Variants in NCOA1 observed in about 807,000 individuals in gnomAD.
NCOA1 encodes the protein Hin-2 protein.
NCOA1 carries 35 observed loss-of-function variants against 150.9 expected under a neutral mutation model. The observed-to-expected ratio is 0.23, with a 90% CI of 0.18 to 0.31. The LOEUF (loss-of-function observed/expected upper bound fraction) is 0.31, where lower values mean the gene tolerates loss of function less well. NCOA1 is among the 10% of genes least tolerant of loss of function. NCOA1 has a pLI of 1.00. For synonymous variants in NCOA1, 590 were observed against 630.0 expected (o/e 0.94, Z 0.95); for missense variants, 1,491 against 1,749.3 (o/e 0.85, Z 2.63).
At chr2:24,673,486 A>G (rs1306148295) in intron 7 of NCOA1, 23 bp downstream of exon 7, 2 of 1,499,944 alleles carry the variant, frequency 1.3e-6, no homozygotes, top group East Asian at 2.4e-5. Flanking sequence ...ATTGACTCAG[A>G]AAGTGATTAA....
In NCOA1 at chr2:24,666,942, A is replaced by C. The variant is rs187929840; in HGVS notation, c.256+1027A>C. 5.5e-3 allele frequency among the ~76,000 whole-genome samples: 833 copies of C among 152,258 alleles called. 9 individuals are homozygous for C. Among genetic ancestry groups the C allele is most frequent in the Non-Finnish European group, 8.4e-3 (568 of 68,012 alleles). ...TGCCTACCAGAAATAAAGGCAAAGCACTTTGAAGAAACAATCCCACAAGCT... is the reference window on the plus strand; with the variant it reads ...TGCCTACCAGAAATAAAGGCAAAGCCCTTTGAAGAAACAATCCCACAAGCT... On this transcript the variant is annotated intron_variant, in intron 6 of 22. Transcript: ENST00000348332.
chr2:24,703,363 A>G (rs1403359385), intron 11 of NCOA1, among the ~76,000 whole-genome samples: 2 of 152,196 alleles, frequency 1.3e-5, no homozygotes, highest in Non-Finnish European at 2.9e-5. Context: ...AAGTTTTACC[A>G]TATTAAATAT....
intron 3 of NCOA1, among the ~76,000 whole-genome samples, chr2:24,633,078 G>A (rs577216430): frequency 4.3e-4 from 65 of 152,024 alleles, no homozygotes; most frequent in African/African-American, 1.6e-3. Flanking sequence ...TGATGTATAT[G>A]TATGCATGTA....
At chr2:24,529,944 G>A (rs1476073912) in intron 1 of NCOA1, among the ~76,000 whole-genome samples, 2 of 152,036 alleles carry the variant, frequency 1.3e-5, no homozygotes, top group African/African-American at 2.4e-5. Context: ...TTAAAAAAGT[G>A]GTTTTCAATT....
intron 3 of NCOA1, among the ~76,000 whole-genome samples, chr2:24,601,719 G>A (rs1313700328): frequency 6.6e-5 from 10 of 150,944 alleles, no homozygotes; most frequent in Non-Finnish European, 1.0e-4. Context: ...TGTAACCTCC[G>A]CCTCCTGGGT....
intron 14 of NCOA1, among the ~76,000 whole-genome samples, chr2:24,716,686 A>G (rs776941735): frequency 4.6e-5 from 7 of 152,232 alleles, no homozygotes; most frequent in Non-Finnish European, 8.8e-5. Flanking sequence ...AGATTGATAC[A>G]TTAGACTTCG....
chr2:24,721,950 G>A (rs1297607404), intron 14 of NCOA1, among the ~76,000 whole-genome samples: 5 of 152,008 alleles, frequency 3.3e-5, no homozygotes, highest in South Asian at 2.1e-4. Context: ...CCTTTCCTTC[G>A]GCTGTAGATT....
At position 24,706,708 on chromosome 2, in the gene NCOA1, T is replaced by A. The variant is rs757994175; in HGVS notation, c.1238T>A (p.Met413Lys). 2 of 1,614,158 alleles carry A rather than the reference T, an allele frequency of 1.2e-6. No homozygotes were observed. The highest frequency in any genetic ancestry group is 2.2e-5 in the South Asian group (2 of 91,084). Reference protein sequence around the residue: ...SSTLPPSNSNMVSTRINRQQS... With the variant: ...SSTLPPSNSNKVSTRINRQQS... Reference sequence around the variant, plus strand: ...ACATTGCCACCATCCAACAGCAACATGGTATCCACCAGAATAAACCGCCAG... The same window carrying A: ...ACATTGCCACCATCCAACAGCAACAAGGTATCCACCAGAATAAACCGCCAG... The change falls in exon 13 of 23, where the codon ATG becomes AAG. Residue 413 changes from methionine to lysine, a missense_variant. By Grantham distance (95) the Met-to-Lys change is moderately conservative. Around this residue, in one of 8 missense-constraint regions of NCOA1, gnomAD observed 703 missense variants for 717.7 expected, o/e 0.98. Transcript: ENST00000348332.
At chr2:24,510,040 C>T (rs754175001) in intron 1 of NCOA1, among the ~76,000 whole-genome samples, 2 of 152,174 alleles carry the variant, frequency 1.3e-5, no homozygotes, top group Non-Finnish European at 2.9e-5. Context: ...CTGCCTGGGG[C>T]AGAGTGTAGG....
At chr2:24,537,752 A>G (rs1174721058) in intron 1 of NCOA1, among the ~76,000 whole-genome samples, 1 of 152,166 alleles carries the variant, frequency 6.6e-6, no homozygotes, top group Non-Finnish European at 1.5e-5. Context: ...CACAAAAAGT[A>G]TGTGAGGTAA....
At chr2:24,569,509 C>T (rs1326730064) in intron 2 of NCOA1, among the ~76,000 whole-genome samples, 1 of 149,524 alleles carries the variant, frequency 6.7e-6, no homozygotes, top group Non-Finnish European at 1.5e-5. Flanking sequence ...ATAATTCAAC[C>T]TCTGAGAGTT....
chr2:24,590,924 A>G (rs1227432598), intron 3 of NCOA1, among the ~76,000 whole-genome samples: 4 of 152,182 alleles, frequency 2.6e-5, no homozygotes, highest in African/African-American at 9.7e-5. Context: ...ACTGAATTAT[A>G]AATAGCATGC....
chr2:24,739,521 A>C lies in NCOA1; in HGVS notation c.3291A>C (p.Gln1097His). The C allele has an allele frequency of 6.2e-7, 1 of 1,612,786 alleles. No homozygotes were observed. The change falls in exon 18 of 23, where the codon CAA becomes CAC. Residue 1097 changes from glutamine to histidine, a missense_variant. Around this residue, in one of 8 missense-constraint regions of NCOA1, gnomAD observed 485 missense variants for 522.8 expected, o/e 0.93. Transcript: ENST00000348332. ...ATATGAGATCAGGCATGCAACAGCA[A>C]ATTACACCTCAGGTAATGTGAGAAA... Reference protein sequence around the residue: ...GINMRSGMQQQITPQPPLNAQ... With the variant: ...GINMRSGMQQHITPQPPLNAQ...
chr2:24,583,594 C>T (rs1192840945), intron 2 of NCOA1, among the ~76,000 whole-genome samples: 2 of 152,084 alleles, frequency 1.3e-5, no homozygotes, highest in Non-Finnish European at 2.9e-5. Context: ...ATCTATATTC[C>T]CATATTTATT....
intron 1 of NCOA1, among the ~76,000 whole-genome samples, chr2:24,510,258 C>T (rs1663877853): frequency 6.6e-6 from 1 of 152,188 alleles, no homozygotes; most frequent in African/African-American, 2.4e-5. Context: ...ACCATGTTGG[C>T]CAGGCAGATC....
At chr2:24,502,102 A>G (rs963146800) in intron 1 of NCOA1, among the ~76,000 whole-genome samples, 2 of 152,082 alleles carry the variant, frequency 1.3e-5, no homozygotes, top group African/African-American at 4.8e-5. Context: ...GTTATTTTCC[A>G]TCTATATCCC....
intron 14 of NCOA1, among the ~76,000 whole-genome samples, chr2:24,725,714 C>CGTGTGTGTGT (rs57720230): frequency 2.8e-4 from 42 of 148,990 alleles, no homozygotes; most frequent in African/African-American, 9.8e-4. Flanking sequence ...CTAAAGTGTG[C>CGTGTGTGTGT]GTGTGTGTGT....
At chr2:24,512,028 C>T (rs1663955502) in intron 1 of NCOA1, among the ~76,000 whole-genome samples, 2 of 152,110 alleles carry the variant, frequency 1.3e-5, no homozygotes, top group Non-Finnish European at 1.5e-5. Flanking sequence ...TCATTTGTTT[C>T]ACCCTCGACT....
rs1407420462 is a variant in NCOA1 at position 24,739,467 on chromosome 2, G to T, written c.3237G>T (p.Gln1079His). The change falls in exon 18 of 23, where the codon CAG (glutamine) becomes CAT (histidine). Residue 1079 changes from glutamine to histidine, a missense_variant. Transcript: ENST00000348332. ...AAAATCGGCAAGCTATCTTAAACCA[G>T]TTTGCAGCAACTGCTCCTGTTGGCA... ...IHQNRQAILN[Q>H]FAATAPVGIN... is the part of the protein sequence containing the mutation. 6.2e-7 allele frequency: 1 copy of T among 1,613,714 alleles called. No individual in the cohort carries two copies. The highest frequency in any genetic ancestry group is 1.7e-5 in the Admixed American group (1 of 59,980).
Sources: gnomAD v4.1 joint callset for allele counts (sites outside exome capture counted in the v4.1 genomes callset) on GRCh38, gnomAD v4.1.1 for gene constraint, gnomAD v4.1.1 regional missense constraint, MANE v1.5 for transcripts, NCBI Gene and HGNC (gene_info 2026-07-23, HGNC 2026-07-21) for gene names.